The following NREP variants were observed in gnomAD, a reference collection of about 807,000 sequenced individuals.
The protein encoded by NREP is neuronal regeneration-related protein.
In NREP, 5 loss-of-function variants were observed where a neutral mutation model predicts 8.6. The observed-to-expected ratio is 0.58, with a 90% CI of 0.30 to 1.22. The LOEUF is 1.22. NREP is among the 50% of genes most tolerant of loss of function. The pLI is 0.07. For missense variants in NREP, 86 were observed against 82.5 expected (o/e 1.04, Z -0.17); for synonymous variants, 27 against 28.0 (o/e 0.96, Z 0.11).
chr5:111,804,695 A>T (rs12187596), intron 2 of NREP, among the ~76,000 whole-genome samples: 7,640 of 151,742 alleles, frequency 0.05, 235 homozygotes, highest in Middle Eastern at 0.093. Context: ...GGAGGAGAAT[A>T]AGAGAAAAAA....
At chr5:111,775,420 G>C (rs1382792910) in intron 2 of NREP, among the ~76,000 whole-genome samples, 1 of 152,104 alleles carries the variant, frequency 6.6e-6, no homozygotes, top group Non-Finnish European at 1.5e-5. Flanking sequence ...TGTCAAAGCT[G>C]AGCACATGAT....
chr5:111,965,489 G>C (rs1236943933), intron 2 of NREP, among the ~76,000 whole-genome samples: 2 of 151,952 alleles, frequency 1.3e-5, no homozygotes, highest in African/African-American at 4.8e-5. Flanking sequence ...ATGCACACTA[G>C]AGAGAAGAGC....
At chr5:111,944,668 T>C (rs1038012430) in intron 2 of NREP, among the ~76,000 whole-genome samples, 1 of 152,138 alleles carries the variant, frequency 6.6e-6, no homozygotes, top group African/African-American at 2.4e-5. Context: ...TGTTCTTAAC[T>C]TGATTGGTTC....
chr5:111,785,630 G>T (rs1751591760), intron 2 of NREP, among the ~76,000 whole-genome samples: 1 of 152,072 alleles, frequency 6.6e-6, no homozygotes, highest in Non-Finnish European at 1.5e-5. Flanking sequence ...GTAAAAATAT[G>T]TGCATACTTT....
At chr5:111,875,598 A>C (rs1581181444) in intron 2 of NREP, among the ~76,000 whole-genome samples, 1 of 152,354 alleles carries the variant, frequency 6.6e-6, no homozygotes, top group South Asian at 2.1e-4. Context: ...ATCTCATTAC[A>C]TTATAGATAA....
intron 2 of NREP, among the ~76,000 whole-genome samples, chr5:111,948,343 C>T (rs1756049059): frequency 6.6e-6 from 1 of 152,112 alleles, no homozygotes; most frequent in Non-Finnish European, 1.5e-5. Context: ...AGCCAAGTCT[C>T]ACTGAAATGA....
Position 111,831,612 on chromosome 5 carries a change from GT to G in NREP, c.136-96106del, listed in dbSNP as rs1752770110. Among the ~76,000 whole-genome samples the G allele has an allele frequency of 2.0e-5, 3 of 152,278 alleles. No homozygotes were observed. In the South Asian group the frequency reaches 6.2e-4, roughly 32 times the overall value. ...TTTCCTCCCACCGGTTCACCCACTTGTGCAAGACAGTTTGTTCACTGTAGGT... is the reference window on the plus strand; with the variant it reads ...TTTCCTCCCACCGGTTCACCCACTTGGCAAGACAGTTTGTTCACTGTAGGT... On this transcript the variant is annotated intron_variant, in intron 2 of 3. Coordinates refer to the NREP transcript ENST00000395634.
chr5:111,915,083 G>A (rs1231273716), intron 2 of NREP, among the ~76,000 whole-genome samples: 1 of 152,012 alleles, frequency 6.6e-6, no homozygotes, highest in Non-Finnish European at 1.5e-5. Context: ...GTTTCCTTGT[G>A]CTATTGCTTC....
chr5:111,902,862 T>C (rs1017631170), intron 2 of NREP, among the ~76,000 whole-genome samples: 2 of 151,990 alleles, frequency 1.3e-5, no homozygotes, highest in South Asian at 2.1e-4. Context: ...TGTTTCCTAA[T>C]CTTAAAAAAA....
At chr5:111,752,646 T>C (rs747146346) in intron 2 of NREP, among the ~76,000 whole-genome samples, 1 of 152,188 alleles carries the variant, frequency 6.6e-6, no homozygotes, top group South Asian at 2.1e-4. Context: ...CTATGAATGG[T>C]ACAATGGAGT....
At chr5:111,824,283 G>T (rs893221452) in intron 2 of NREP, among the ~76,000 whole-genome samples, 1 of 152,106 alleles carries the variant, frequency 6.6e-6, no homozygotes, top group Non-Finnish European at 1.5e-5. Flanking sequence ...GCAGGAGAAC[G>T]GCATGAACCA....
chr5:111,798,737 GTGT>G (rs1751930412), intron 2 of NREP, among the ~76,000 whole-genome samples: 2 of 7,362 alleles, frequency 2.7e-4, no homozygotes, highest in Admixed American at 2.0e-3. Context: ...ATTCCATGGT[GTGT>G]GTGTGTGTGT....
At chr5:111,759,420 T>G (rs1376769314), upstream of NREP, among the ~76,000 whole-genome samples, 1 of 129,458 alleles carries the variant, frequency 7.7e-6, no homozygotes, top group Non-Finnish European at 1.7e-5. Flanking sequence ...TTTCTTTCTT[T>G]CTTTTTTTTT....
chr5:111,835,663 G>GTT (rs1752875776), intron 2 of NREP, among the ~76,000 whole-genome samples: 1 of 152,132 alleles, frequency 6.6e-6, no homozygotes, highest in Admixed American at 6.6e-5. Context: ...TAGGTTACTT[G>GTT]TAACCTTAAA....
At chr5:111,737,020 A>AGC (rs1426522862) in intron 2 of NREP, among the ~76,000 whole-genome samples, 1 of 152,140 alleles carries the variant, frequency 6.6e-6, no homozygotes, top group African/African-American at 2.4e-5. Flanking sequence ...TCTTAAAGAG[A>AGC]GCTCATTCTG....
intron 1 of NREP, 55 bp from the exon 2 acceptor site, chr5:111,755,885 C>G (rs147683578): frequency 6.3e-7 from 1 of 1,591,780 alleles, no homozygotes; most frequent in Non-Finnish European, 8.6e-7. Context: ...GGTCAGCAAA[C>G]GAAAAATGCC....
intron 2 of NREP, among the ~76,000 whole-genome samples, chr5:111,967,914 C>T (rs1033038321): frequency 6.6e-6 from 1 of 151,892 alleles, no homozygotes; most frequent in South Asian, 2.1e-4. Context: ...TTTTAAATTG[C>T]TTCTACCATG....
At chr5:111,894,859 A>G (rs1754471607) in intron 2 of NREP, among the ~76,000 whole-genome samples, 1 of 152,238 alleles carries the variant, frequency 6.6e-6, no homozygotes, top group African/African-American at 2.4e-5. Flanking sequence ...CAATATTTAT[A>G]TGGTGATCAT....
chr5:111,868,740 T>C (rs1163089210), intron 2 of NREP, among the ~76,000 whole-genome samples: 1 of 152,220 alleles, frequency 6.6e-6, no homozygotes, highest in African/African-American at 2.4e-5. Context: ...GAACTGCCTC[T>C]GCAGATAGGT....
Sources: allele counts gnomAD v4.1 joint callset (sites outside exome capture counted in the v4.1 genomes callset), GRCh38; gene constraint gnomAD v4.1.1; transcripts MANE v1.5; gene names NCBI Gene and HGNC (gene_info 2026-07-23, HGNC 2026-07-21).